Variants in MAP7 observed in about 807,000 individuals in gnomAD.
MAP7 encodes ensconsin.
Under a neutral mutation model 94.8 loss-of-function variants are expected in MAP7, and 52 were observed. The observed-to-expected ratio is 0.55, with a 90% CI of 0.44 to 0.69. MAP7 has a LOEUF of 0.69. MAP7 is among the 30% of genes least tolerant of loss of function. The pLI, the probability that MAP7 is intolerant of heterozygous loss-of-function variation, is 0.00. For missense variants in MAP7, 940 were observed against 964.6 expected, an observed-to-expected ratio of 0.97 and a Z score of 0.34; for synonymous variants, 350 against 357.0, an observed-to-expected ratio of 0.98 and a Z score of 0.22.
rs1554259490 is a variant in MAP7 at position 136,456,822 on chromosome 6, G to GAAGAA, written c.68-35024_68-35023insTTCTT. 2.6e-3 allele frequency among the ~76,000 whole-genome samples: 182 copies of GAAGAA among 68,972 alleles called. 4 individuals carry two copies. Among genetic ancestry groups the GAAGAA allele is most frequent in the African/African-American group, 5.8e-3 (91 of 15,722 alleles). The allele number at this position is 68,972 out of a possible 152,430, so 45.2% of individuals were successfully genotyped here. A position where few individuals can be genotyped will look rare whatever the true frequency, so the allele number is the denominator to read the frequency against. The stretch of plus-strand genomic sequence containing the variant: ...AGAAGAAGAAGAAGAAGAAGAAGAA[G>GAAGAA]GAAGAAGAAGAAGAAGAAGAAGAAG... On this transcript the variant is annotated intron_variant, in intron 1 of 17. Coordinates refer to ENST00000354570, the MANE Select transcript of MAP7 (RefSeq NM_003980.6).
chr6:136,355,443 T>A (rs1297905225), intron 16 of MAP7, among the ~76,000 whole-genome samples: 1 of 152,120 alleles, frequency 6.6e-6, no homozygotes, highest in Non-Finnish European at 1.5e-5. Context: ...CAGGGTATTC[T>A]CTTTGGTATT....
chr6:136,365,543 T>C (rs1794058490), intron 10 of MAP7, among the ~76,000 whole-genome samples, 192 bp downstream of exon 10: 2 of 152,278 alleles, frequency 1.3e-5, no homozygotes, highest in South Asian at 4.1e-4. Context: ...TACTTAGCGT[T>C]GCTAAGTAAA....
At chr6:136,536,885 T>C (rs932382951) in intron 1 of MAP7, among the ~76,000 whole-genome samples, 3 of 152,256 alleles carry the variant, frequency 2.0e-5, no homozygotes, top group African/African-American at 7.2e-5. Context: ...GCTTTGCACA[T>C]TGTACAAGTG....
chr6:136,451,225 CCT>C (rs1801013543), intron 1 of MAP7, among the ~76,000 whole-genome samples: 1 of 152,162 alleles, frequency 6.6e-6, no homozygotes, highest in African/African-American at 2.4e-5. Flanking sequence ...CTCTACGCCT[CCT>C]CTGTTTCTGT....
At chr6:136,491,529 C>T (rs1816606694) in intron 1 of MAP7, among the ~76,000 whole-genome samples, 1 of 152,190 alleles carries the variant, frequency 6.6e-6, no homozygotes, top group Non-Finnish European at 1.5e-5. Flanking sequence ...ATTACTCACA[C>T]AGCAGCAGAG....
intron 16 of MAP7, among the ~76,000 whole-genome samples, chr6:136,353,281 G>A (rs1282777002): frequency 6.6e-6 from 1 of 152,152 alleles, no homozygotes; most frequent in Non-Finnish European, 1.5e-5. Flanking sequence ...ATATCAGGTA[G>A]CACCAGCTTA....
intron 1 of MAP7, among the ~76,000 whole-genome samples, chr6:136,475,303 T>C (rs57718630): frequency 0.014 from 2,099 of 152,332 alleles, 85 homozygotes; most frequent in East Asian, 0.14. Flanking sequence ...ATGTATTGCA[T>C]ATTCTCATTA....
rs1215053529 is a variant in MAP7, at chr6:136,414,093, C to A, written c.167-2396G>T. ...TGAAACCCCGTCTCTACTAAAAATA[C>A]AAAAAAAAAATTAGCCGGGCGTGGT... On this transcript the variant is annotated intron_variant, in intron 2 of 17. Coordinates refer to ENST00000354570, the MANE Select transcript of MAP7 (RefSeq NM_003980.6). 2.2e-4 allele frequency among the ~76,000 whole-genome samples: 27 copies of A among 124,750 alleles called. 1 individual carries two copies. The highest frequency in any genetic ancestry group is 3.7e-3 in the Middle Eastern group (1 of 270). The allele number at this position is 124,750 out of a possible 152,430, so 81.8% of individuals were successfully genotyped here. A position where few individuals can be genotyped will look rare whatever the true frequency, so the allele number is the denominator to read the frequency against.
intron 3 of MAP7, among the ~76,000 whole-genome samples, chr6:136,394,681 G>T (rs959156967): frequency 2.0e-5 from 3 of 150,974 alleles, no homozygotes; most frequent in Non-Finnish European, 4.4e-5. Flanking sequence ...CTTCTATCTA[G>T]CTGTATTTTG....
intron 1 of MAP7, among the ~76,000 whole-genome samples, chr6:136,501,558 A>T (rs1170428558): frequency 6.6e-6 from 1 of 152,006 alleles, no homozygotes; most frequent in Non-Finnish European, 1.5e-5. Flanking sequence ...GGAAATGGAA[A>T]TTTTTTCAGA....
chr6:136,471,486 C>G (rs908637508), intron 1 of MAP7, among the ~76,000 whole-genome samples: 1 of 152,132 alleles, frequency 6.6e-6, no homozygotes, highest in East Asian at 1.9e-4. Flanking sequence ...ATCTTATTCT[C>G]TTTTCTTTTT....
rs181800128 is a variant in MAP7, at chr6:136,382,013, G to A, written c.637+1658C>T. Among the ~76,000 whole-genome samples, 288 of 151,890 alleles carry A rather than the reference G, an allele frequency of 1.9e-3. 2 individuals are homozygous for A. Among genetic ancestry groups the A allele is most frequent in the East Asian group, 0.016 (82 of 5,156 alleles). On this transcript the variant is annotated intron_variant, in intron 6 of 17. Transcript: ENST00000354570. ...TGAGGATGCAGTGTGGCGGTCACACGGGTGAGGAGTCACCCTTCTGCAATA... is the reference window on the plus strand; with the variant it reads ...TGAGGATGCAGTGTGGCGGTCACACAGGTGAGGAGTCACCCTTCTGCAATA...
At chr6:136,413,771 C>A (rs1396914070) in intron 2 of MAP7, among the ~76,000 whole-genome samples, 1 of 152,036 alleles carries the variant, frequency 6.6e-6, no homozygotes, top group African/African-American at 2.4e-5. Context: ...ACAACCACAC[C>A]CAGCTAATTT....
intron 1 of MAP7, among the ~76,000 whole-genome samples, chr6:136,525,634 G>A (rs1296249538): frequency 2.6e-5 from 4 of 152,160 alleles, no homozygotes; most frequent in Non-Finnish European, 5.9e-5. Flanking sequence ...GAAATACACC[G>A]AATCTACAAA....
chr6:136,470,560 G>C (rs1042267046), intron 1 of MAP7, among the ~76,000 whole-genome samples: 1 of 151,968 alleles, frequency 6.6e-6, no homozygotes, highest in Admixed American at 6.6e-5. Flanking sequence ...CTGCACATTA[G>C]GTCTCCAGAA....
intron 1 of MAP7, among the ~76,000 whole-genome samples, chr6:136,508,741 A>G (rs1301864645): frequency 1.3e-5 from 2 of 152,228 alleles, no homozygotes; most frequent in African/African-American, 4.8e-5. Flanking sequence ...TAATGTTCAC[A>G]CTAAAATATC....
rs116241791 is a variant in MAP7, at chr6:136,440,817, T to C, written c.68-19018A>G. On this transcript the variant is annotated intron_variant, in intron 1 of 17. Transcript: ENST00000354570. Reference sequence around the variant, plus strand: ...ATTATTTTATCTTAAAAATAAAATATTTAAGGTCTTAAAAAAAAAAAAACC... The same window carrying C: ...ATTATTTTATCTTAAAAATAAAATACTTAAGGTCTTAAAAAAAAAAAAACC... 5.2e-3 allele frequency among the ~76,000 whole-genome samples: 787 copies of C among 151,260 alleles called. 8 individuals are homozygous for C. The highest frequency in any genetic ancestry group is 0.018 in the African/African-American group (754 of 41,330).
chr6:136,512,849 T>TG (rs1248299768), intron 1 of MAP7, among the ~76,000 whole-genome samples: 6 of 151,832 alleles, frequency 4.0e-5, no homozygotes, highest in African/African-American at 1.5e-4. Context: ...TTTTTTTTTT[T>TG]TTGAAAGGGT....
At chr6:136,352,689 A>G (rs1305706613) in intron 16 of MAP7, among the ~76,000 whole-genome samples, 1 of 152,144 alleles carries the variant, frequency 6.6e-6, no homozygotes, top group East Asian at 1.9e-4. Context: ...TACAGTAAAC[A>G]TAATAGGAGG....
Sources: allele counts gnomAD v4.1 joint callset (sites outside exome capture counted in the v4.1 genomes callset), GRCh38; gene constraint gnomAD v4.1.1; transcripts MANE v1.5; gene names NCBI Gene and HGNC (gene_info 2026-07-23, HGNC 2026-07-21).